Variants in ZNF444 observed in about 807,000 individuals in gnomAD.
ZNF444 encodes the protein endothelial zinc finger protein 2.
A neutral mutation model predicts 14.4 loss-of-function variants in ZNF444; 8 were observed. The observed-to-expected ratio is 0.56, with a 90% CI of 0.33 to 1.00. The LOEUF is 1.00. Ranked by LOEUF, ZNF444 falls within the 50% of genes least tolerant of loss-of-function variation. The probability of loss-of-function intolerance (pLI) is 0.03; values close to 1 mark genes in which losing one functional copy is unlikely to be tolerated. For missense variants in ZNF444, 510 were observed against 504.8 expected, an observed-to-expected ratio of 1.01 and a Z score of -0.10; for synonymous variants, 258 against 235.9, an observed-to-expected ratio of 1.09 and a Z score of -0.86.
Position 56,160,333 on chromosome 19 carries a change from T to C in ZNF444, c.*132T>C. 1 of 703,604 alleles carries C rather than the reference T, an allele frequency of 1.4e-6. No individual in the cohort carries two copies. Among genetic ancestry groups the C allele is most frequent in the Non-Finnish European group, 2.1e-6 (1 of 466,106 alleles). The allele number at this position is 703,604 out of a possible 1,614,324, so 43.6% of individuals were successfully genotyped here. The stretch of plus-strand genomic sequence containing the variant: ...TCCTCCTCCACCTGCGCCTCCCTTG[T>C]CTGAACTTCCCAACGCCTTCCTATT... On this transcript the variant is annotated 3_prime_UTR_variant, in exon 5 of 5. Coordinates refer to ENST00000337080, the MANE Select transcript of ZNF444 (RefSeq NM_018337.4).
At chr19:56,156,629 A>G (rs1027603519) in intron 3 of ZNF444, 21 of 152,268 alleles carry the variant, frequency 1.4e-4, no homozygotes, top group African/African-American at 4.8e-4. Flanking sequence ...AAAGTAGGGC[A>G]GAAGGTCAGG....
In ZNF444 at chr19:56,158,615, C is replaced by A; in HGVS notation, c.406+13C>A. 6.3e-7 allele frequency: 1 copy of A among 1,594,548 alleles called. No individual in the cohort carries two copies. Among genetic ancestry groups the A allele is most frequent in the Admixed American group, 1.7e-5 (1 of 57,536 alleles). Reference sequence around the variant, plus strand: ...ATGATTCCCTTAGGTGAGCTGCTGGCCTCTCTGGTTCTCCCCGCCAGCCCC... The same window carrying A: ...ATGATTCCCTTAGGTGAGCTGCTGGACTCTCTGGTTCTCCCCGCCAGCCCC... On this transcript the variant is annotated intron_variant, in intron 4 of 4. Transcript: ENST00000337080.
At position 56,160,121 on chromosome 19, in the gene ZNF444, CG is replaced by C; in HGVS notation, c.907del (p.Ala303GlnfsTer9). The C allele has an allele frequency of 6.7e-7, 1 of 1,485,588 alleles. No homozygotes were observed. The allele number at this position is 1,485,588 out of a possible 1,614,324, so 92.0% of individuals were successfully genotyped here. On this transcript the variant is annotated frameshift_variant, in exon 5 of 5. Transcript: ENST00000337080. LOFTEE classifies it low-confidence loss of function (END_TRUNC). ...GCTGCGCCACCAGCGCATCCACGGC[CG>C]GGCAGCGGCCAGCGCGCAGGGGGCG... ...HVLRHQRIHG[R>X]AAASAQGAVA...
At chr19:56,152,465 G>C (rs1421760574) in intron 3 of ZNF444, among the ~76,000 whole-genome samples, 1 of 150,986 alleles carries the variant, frequency 6.6e-6, no homozygotes. Flanking sequence ...AGGACATTTG[G>C]GTTGATTCCA....
At chr19:56,152,731 T>G (rs2031662101) in intron 3 of ZNF444, among the ~76,000 whole-genome samples, 1 of 152,228 alleles carries the variant, frequency 6.6e-6, no homozygotes, top group South Asian at 2.1e-4. Flanking sequence ...GGTGAGGGTC[T>G]CCTGCTGGTT....
chr19:56,135,329 C>T (rs902878190), intron 1 of ZNF444, among the ~76,000 whole-genome samples: 17 of 152,180 alleles, frequency 1.1e-4, no homozygotes, highest in Middle Eastern at 6.3e-3. Context: ...AAGCTGGCCC[C>T]GGATATGTGT....
At chr19:56,140,248 CTTG>C (rs2030722670), upstream of ZNF444, among the ~76,000 whole-genome samples, 1 of 152,148 alleles carries the variant, frequency 6.6e-6, no homozygotes, top group East Asian at 1.9e-4. Flanking sequence ...TTCTCTTATC[CTTG>C]TTGTACGGAG....
At chr19:56,138,029 T>C (rs577121929), upstream of ZNF444, among the ~76,000 whole-genome samples, 25 of 151,228 alleles carry the variant, frequency 1.7e-4, no homozygotes, top group Admixed American at 2.6e-4. Flanking sequence ...GAGGCTGAGG[T>C]AGGAGAATCG....
chr19:56,148,863 A>G (rs1599880597), intron 3 of ZNF444, among the ~76,000 whole-genome samples: 1 of 152,086 alleles, frequency 6.6e-6, no homozygotes, highest in Non-Finnish European at 1.5e-5. Context: ...TCCCTTCTCA[A>G]GTCTCCAAAA....
chr19:56,156,414 G>C (rs570448063), intron 3 of ZNF444: 4 of 152,326 alleles, frequency 2.6e-5, no homozygotes, highest in African/African-American at 9.6e-5. Context: ...GGGAAACCTC[G>C]CAAGGCCTGT....
At chr19:56,155,722 T>C (rs1407365571) in intron 3 of ZNF444, 1 of 152,298 alleles carries the variant, frequency 6.6e-6, no homozygotes, top group East Asian at 1.9e-4. Flanking sequence ...GGGGGATCTG[T>C]GGAAAAAACG....
intron 3 of ZNF444, chr19:56,155,860 G>A (rs2031875586): frequency 6.6e-6 from 1 of 152,218 alleles, no homozygotes; most frequent in African/African-American, 2.4e-5. Context: ...CAAGCTGGGT[G>A]TCCTCTAATG....
rs140223961 is a variant in ZNF444, at chr19:56,148,940, T to C, written c.297+1732T>C. On this transcript the variant is annotated intron_variant, in intron 3 of 4. Transcript: ENST00000337080. Reference sequence around the variant, plus strand: ...TAGGAGAGAATCCGTTTCCGGCCTTTTCCAGCTCCTAGAGGCTGCCCGCAT... The same window carrying C: ...TAGGAGAGAATCCGTTTCCGGCCTTCTCCAGCTCCTAGAGGCTGCCCGCAT... Among the ~76,000 whole-genome samples the C allele has an allele frequency of 3.3e-5, 5 of 152,300 alleles. No individual in the cohort carries two copies. The East Asian group carries it at 9.6e-4, about 29-fold the overall frequency.
intron 3 of ZNF444, among the ~76,000 whole-genome samples, chr19:56,150,771 T>C (rs1023766462): frequency 6.7e-6 from 1 of 150,216 alleles, no homozygotes; most frequent in African/African-American, 2.5e-5. Flanking sequence ...TTTCTTGGCA[T>C]CTGGTCTGTG....
rs2031230185 is a variant in ZNF444, at chr19:56,146,982, G to A, written c.71G>A (p.Arg24His). The change falls in exon 3 of 5, where the codon CGC (arginine) becomes CAC (histidine). Residue 24 changes from arginine to histidine, a missense_variant. Physicochemically the swap from Arg to His is conservative, Grantham distance 29. Coordinates refer to ENST00000337080, the MANE Select transcript of ZNF444 (RefSeq NM_018337.4). Reference protein sequence around the residue: ...LALDSPWHRFRRFHLGDAPGP... With the variant: ...LALDSPWHRFHRFHLGDAPGP... ...CTGGACTCCCCGTGGCACCGCTTCC[G>A]CCGCTTCCACCTGGGCGACGCGCCG... 1.4e-6 allele frequency: 2 copies of A among 1,439,570 alleles called. No individual in the cohort carries two copies. The highest frequency in any genetic ancestry group is 1.8e-6 in the Non-Finnish European group (2 of 1,105,618). 89.2% of individuals were successfully genotyped at this position (1,439,570 alleles called of 1,614,324 possible).
At chr19:56,158,660 C>T (rs1246248321) in intron 4 of ZNF444, 58 bp downstream of exon 4, 16 of 1,422,336 alleles carry the variant, frequency 1.1e-5, no homozygotes, top group Admixed American at 2.2e-5. Context: ...GGAGGGGGTT[C>T]AGTGAACGAT....
upstream of ZNF444, among the ~76,000 whole-genome samples, chr19:56,139,777 G>T (rs1292514600): frequency 6.6e-6 from 1 of 152,114 alleles, no homozygotes; most frequent in Non-Finnish European, 1.5e-5. Flanking sequence ...CAACATTTGG[G>T]TGAAGATGGA....
At chr19:56,152,246 C>T (rs2031627200) in intron 3 of ZNF444, among the ~76,000 whole-genome samples, 1 of 151,580 alleles carries the variant, frequency 6.6e-6, no homozygotes, top group South Asian at 2.1e-4. Context: ...GCAGGAGAAT[C>T]GCTTGAACCC....
intron 3 of ZNF444, chr19:56,150,325 A>G (rs2031497575): frequency 4.1e-6 from 1 of 245,008 alleles, no homozygotes; most frequent in African/African-American, 2.3e-5. Context: ...TCGGGGATGC[A>G]GTGAGAGTTC....
Sources: allele counts gnomAD v4.1 joint callset (sites outside exome capture counted in the v4.1 genomes callset), GRCh38; gene constraint gnomAD v4.1.1; transcripts MANE v1.5; gene names NCBI Gene and HGNC (gene_info 2026-07-23, HGNC 2026-07-21).